Variants in NARS2 observed in about 807,000 individuals in gnomAD.
NARS2 encodes asparaginyl-tRNA synthetase 2, mitochondrial.
NARS2 carries 60 observed loss-of-function variants against 62.9 expected under a neutral mutation model. The ratio of observed to expected loss-of-function variants is 0.95; its 90% CI spans 0.77 to 1.18. The LOEUF (loss-of-function observed/expected upper bound fraction) is 1.18. Ranked by LOEUF, NARS2 falls within the 50% of genes most tolerant of loss-of-function variation. The pLI is 0.00. For missense variants in NARS2, 619 were observed against 576.4 expected (o/e 1.07, Z -0.76); for synonymous variants, 196 against 200.0 (o/e 0.98, Z 0.17).
intron 11 of NARS2, among the ~76,000 whole-genome samples, chr11:78,458,822 CTTG>C (rs1443122106): frequency 6.6e-6 from 1 of 152,126 alleles, no homozygotes; most frequent in Non-Finnish European, 1.5e-5. Flanking sequence ...ATAATTCCCA[CTTG>C]TTGTGGGAGA....
chr11:78,536,644 A>G (rs1855360644), intron 5 of NARS2, among the ~76,000 whole-genome samples: 1 of 152,232 alleles, frequency 6.6e-6, no homozygotes, highest in Admixed American at 6.5e-5. Flanking sequence ...AAGAGTAAAA[A>G]TATTTTAAAA....
At chr11:78,449,744 T>A (rs1374488917) in intron 11 of NARS2, among the ~76,000 whole-genome samples, 1 of 152,176 alleles carries the variant, frequency 6.6e-6, no homozygotes, top group Admixed American at 6.5e-5. Context: ...TTGAGAAGCA[T>A]AACTAGCCTC....
intron 7 of NARS2, 43 bp downstream of exon 7, chr11:78,493,020 T>G (rs1381415149): frequency 3.4e-6 from 5 of 1,452,680 alleles, no homozygotes; most frequent in Middle Eastern, 3.5e-4. Flanking sequence ...CAGAAACATT[T>G]TAATGTCACA....
At chr11:78,476,659 T>C (rs1309100367) in intron 9 of NARS2, among the ~76,000 whole-genome samples, 3 of 152,180 alleles carry the variant, frequency 2.0e-5, no homozygotes, top group Non-Finnish European at 2.9e-5. Flanking sequence ...GATGTCCCTC[T>C]CCCCACAAAT....
intron 6 of NARS2, among the ~76,000 whole-genome samples, chr11:78,507,510 A>T (rs7934912): frequency 0.66 from 99,400 of 149,586 alleles, 35,552 homozygotes; most frequent in Non-Finnish European, 0.81. Context: ...CCCAGTTTTC[A>T]TTTCTTTTAT....
intron 6 of NARS2, among the ~76,000 whole-genome samples, chr11:78,494,854 T>C (rs1392742717): frequency 6.6e-6 from 1 of 152,174 alleles, no homozygotes; most frequent in Non-Finnish European, 1.5e-5. Flanking sequence ...TCTTTTTACA[T>C]TTCCTCCAGC....
intron 5 of NARS2, among the ~76,000 whole-genome samples, chr11:78,553,086 G>A (rs578194606): frequency 2.0e-5 from 3 of 151,040 alleles, no homozygotes; most frequent in Non-Finnish European, 4.4e-5. Flanking sequence ...CAGCATATAA[G>A]GGTTTCCCTT....
At chr11:78,466,043 G>A (rs372895160) in intron 10 of NARS2, 30 bp from the exon 11 acceptor site, 114 of 1,553,870 alleles carry the variant, frequency 7.3e-5, no homozygotes, top group Non-Finnish European at 9.7e-5. Context: ...ATGACCAAAA[G>A]AGGAGACAGA....
intron 5 of NARS2, among the ~76,000 whole-genome samples, chr11:78,554,770 G>A (rs1461063163): frequency 1.3e-5 from 2 of 152,042 alleles, no homozygotes; most frequent in Non-Finnish European, 2.9e-5. Context: ...TATTTATCTT[G>A]CCTGACTGCT....
intron 7 of NARS2, among the ~76,000 whole-genome samples, chr11:78,485,938 G>A (rs1241195986): frequency 2.6e-5 from 4 of 152,104 alleles, no homozygotes; most frequent in Non-Finnish European, 5.9e-5. Context: ...GTAGTGGCAC[G>A]ATCTCGGCTC....
intron 2 of NARS2, among the ~76,000 whole-genome samples, chr11:78,570,742 C>A (rs925980772): frequency 2.0e-5 from 3 of 152,132 alleles, no homozygotes; most frequent in African/African-American, 7.2e-5. Flanking sequence ...ATTCAACAGG[C>A]AATAATTTGT....
chr11:78,521,743 TCC>T, intron 6 of NARS2, among the ~76,000 whole-genome samples: 1 of 114,732 alleles, frequency 8.7e-6, no homozygotes. Context: ...TGAGCCGAGA[TCC>T]CGCCACTGCA....
chr11:78,544,396 G>A (rs925692969), intron 5 of NARS2, among the ~76,000 whole-genome samples: 2 of 152,182 alleles, frequency 1.3e-5, no homozygotes, highest in East Asian at 1.9e-4. Context: ...TCATGTTAGT[G>A]AATTAGGTAA....
At chr11:78,492,362 ACTT>A (rs1221517014) in intron 7 of NARS2, among the ~76,000 whole-genome samples, 1 of 152,122 alleles carries the variant, frequency 6.6e-6, no homozygotes, top group Non-Finnish European at 1.5e-5. Context: ...AGGCCTCTCT[ACTT>A]TTATCTACCT....
chr11:78,458,150 A>C (rs1858240932), intron 11 of NARS2, among the ~76,000 whole-genome samples: 1 of 152,210 alleles, frequency 6.6e-6, no homozygotes, highest in Non-Finnish European at 1.5e-5. Flanking sequence ...AGAAATGAAA[A>C]ATGTTTGAGG....
chr11:78,498,831 G>A (rs1860165159), intron 6 of NARS2, among the ~76,000 whole-genome samples: 1 of 149,664 alleles, frequency 6.7e-6, no homozygotes, highest in Non-Finnish European at 1.5e-5. Flanking sequence ...AATTTCATGA[G>A]CGACTATATA....
At chr11:78,501,079 G>A (rs781644553) in intron 6 of NARS2, among the ~76,000 whole-genome samples, 3 of 152,116 alleles carry the variant, frequency 2.0e-5, no homozygotes, top group Non-Finnish European at 4.4e-5. Flanking sequence ...GTGACAGAGT[G>A]AGACCCTGTC....
chr11:78,494,240 G>A (rs1033075503), intron 6 of NARS2, among the ~76,000 whole-genome samples: 2 of 152,150 alleles, frequency 1.3e-5, no homozygotes, highest in Non-Finnish European at 2.9e-5. Context: ...TTCAAACCAA[G>A]TAACAGCTGA....
At chr11:78,443,391 A>AT (rs1857641225) in intron 12 of NARS2, among the ~76,000 whole-genome samples, 1 of 152,116 alleles carries the variant, frequency 6.6e-6, no homozygotes, top group African/African-American at 2.4e-5. Flanking sequence ...CTCTCTTCAC[A>AT]TTTTAACTTT....
Sources: gnomAD v4.1 joint callset for allele counts (sites outside exome capture counted in the v4.1 genomes callset) on GRCh38, gnomAD v4.1.1 for gene constraint, MANE v1.5 for transcripts, NCBI Gene and HGNC (gene_info 2026-07-23, HGNC 2026-07-21) for gene names.